Variants in PDE1C observed in about 807,000 individuals in gnomAD.
PDE1C encodes dual specificity calcium/calmodulin-dependent 3',5'-cyclic nucleotide phosphodiesterase 1C.
PDE1C carries 62 observed loss-of-function variants against 93.1 expected under a neutral mutation model. That is an observed-to-expected ratio of 0.67 (90% CI 0.54 to 0.82). The LOEUF (loss-of-function observed/expected upper bound fraction) is 0.82, where lower values mean the gene tolerates loss of function less well. Among genes scored for constraint, PDE1C ranks in the 40% least tolerant of loss-of-function variants. PDE1C has a pLI of 0.00. For missense variants in PDE1C, 742 were observed against 884.6 expected (o/e 0.84, Z 2.04); for synonymous variants, 325 against 310.1 (o/e 1.05, Z -0.50).
the PDE1C span, among the ~76,000 whole-genome samples, chr7:31,617,929 TTTGTAGTAAAGAAAA>T: frequency 6.6e-6 from 1 of 152,204 alleles, no homozygotes; most frequent in African/African-American, 2.4e-5. Context: ...CCCTTTTCTA[TTTGTAGTAAAGAAAA>T]TGGTAGGAAA....
intron 3 of PDE1C, among the ~76,000 whole-genome samples, chr7:32,140,813 G>C (rs1377411106): frequency 1.3e-5 from 2 of 152,238 alleles, no homozygotes; most frequent in Non-Finnish European, 2.9e-5. Flanking sequence ...GAGGATGTGG[G>C]ATGTATAATA....
At chr7:32,025,436 T>C (rs2080683116) in intron 2 of PDE1C, among the ~76,000 whole-genome samples, 1 of 152,008 alleles carries the variant, frequency 6.6e-6, no homozygotes, top group South Asian at 2.1e-4. Context: ...GGAGCATGTA[T>C]GTATTTGGGG....
At chr7:32,275,060 G>A (rs1811194629) in intron 1 of PDE1C, among the ~76,000 whole-genome samples, 1 of 152,140 alleles carries the variant, frequency 6.6e-6, no homozygotes, top group Admixed American at 6.5e-5. Flanking sequence ...AAAGAATTTA[G>A]GTCCTGATTG....
chr7:31,731,405 G>A, the PDE1C span, among the ~76,000 whole-genome samples: 4 of 150,818 alleles, frequency 2.7e-5, no homozygotes, highest in African/African-American at 9.7e-5. Flanking sequence ...CTTTTTTTGA[G>A]AGAGAGAGAG....
chr7:32,117,274 T>G (rs1799035303), intron 3 of PDE1C, among the ~76,000 whole-genome samples: 1 of 152,206 alleles, frequency 6.6e-6, no homozygotes, highest in South Asian at 2.1e-4. Context: ...GACAAAAAAC[T>G]ATGGCCACGC....
chr7:31,685,862 A>G, the PDE1C span, among the ~76,000 whole-genome samples: 2 of 152,150 alleles, frequency 1.3e-5, no homozygotes, highest in Non-Finnish European at 2.9e-5. Flanking sequence ...AGGAGGTCCC[A>G]ATAAGGATCA....
At chr7:32,189,561 A>G (rs1408690514) in intron 2 of PDE1C, among the ~76,000 whole-genome samples, 1 of 152,162 alleles carries the variant, frequency 6.6e-6, no homozygotes, top group African/African-American at 2.4e-5. Flanking sequence ...GGGAAGTTCC[A>G]GGGCTGATTT....
At chr7:32,127,592 T>C (rs1799658290) in intron 3 of PDE1C, among the ~76,000 whole-genome samples, 1 of 152,016 alleles carries the variant, frequency 6.6e-6, no homozygotes, top group African/African-American at 2.4e-5. Flanking sequence ...AGTAACAAAT[T>C]ATATTATTTT....
At chr7:31,759,467 GTTGA>G (rs1229265655) in intron 17 of PDE1C, among the ~76,000 whole-genome samples, 1 of 152,168 alleles carries the variant, frequency 6.6e-6, no homozygotes, top group Non-Finnish European at 1.5e-5. Flanking sequence ...CAAATAAATG[GTTGA>G]TTATCAGCAA....
At chr7:31,703,537 C>T in the PDE1C span, among the ~76,000 whole-genome samples, 1 of 152,202 alleles carries the variant, frequency 6.6e-6, no homozygotes, top group Non-Finnish European at 1.5e-5. Context: ...AGTGCAATTA[C>T]AGATATTGTG....
the PDE1C span, among the ~76,000 whole-genome samples, chr7:31,694,970 G>T: frequency 3.9e-5 from 6 of 152,150 alleles, no homozygotes; most frequent in African/African-American, 1.4e-4. Flanking sequence ...CCCAAGGTCT[G>T]GATCACCAGG....
intron 2 of PDE1C, among the ~76,000 whole-genome samples, chr7:32,027,603 A>G (rs1789623187): frequency 7.0e-6 from 1 of 143,058 alleles, no homozygotes; most frequent in South Asian, 2.2e-4. Context: ...ACTATCAAAA[A>G]TGGTAAAAAA....
chr7:31,845,571 T>A (rs529889322), intron 9 of PDE1C, among the ~76,000 whole-genome samples: 1 of 152,184 alleles, frequency 6.6e-6, no homozygotes, highest in East Asian at 1.9e-4. Flanking sequence ...GAGAAATACC[T>A]AATGTAGACG....
At chr7:32,237,981 G>A (rs1035776294) in intron 1 of PDE1C, among the ~76,000 whole-genome samples, 1 of 151,690 alleles carries the variant, frequency 6.6e-6, no homozygotes, top group African/African-American at 2.4e-5. Context: ...TGTTGGTCAG[G>A]CTGGTCTTGA....
intron 2 of PDE1C, among the ~76,000 whole-genome samples, chr7:31,966,075 A>T (rs913529360): frequency 6.6e-6 from 1 of 152,206 alleles, no homozygotes; most frequent in African/African-American, 2.4e-5. Context: ...ACCAGCTAAC[A>T]TCATAATGAC....
rs767668698 is a variant in PDE1C at position 31,837,924 on chromosome 7, G to C, written c.1028C>G (p.Ser343Cys). The change falls in exon 10 of 18, where the codon TCT becomes TGT. Residue 343 changes from serine (S) to cysteine (C), a missense_variant. Around this residue, in one of 4 missense-constraint regions of PDE1C, gnomAD observed 454 missense variants for 459.4 expected, o/e 0.99. Transcript: ENST00000396191. The stretch of plus-strand genomic sequence containing the variant: ...TGCTTTGATTTGTTGGAAGTGACAA[G>C]ACATATCTGTGGCCATCACCATTTC... ...VIEMVMATDM[S>C]CHFQQIKAMK... 2.5e-6 allele frequency: 4 copies of C among 1,613,700 alleles called. No individual in the cohort carries two copies. Among genetic ancestry groups the C allele is most frequent in the Non-Finnish European group, 3.4e-6 (4 of 1,179,642 alleles).
intron 7 of PDE1C, among the ~76,000 whole-genome samples, chr7:31,860,263 G>T (rs1193628457): frequency 2.6e-5 from 4 of 152,128 alleles, no homozygotes; most frequent in African/African-American, 9.7e-5. Flanking sequence ...TAACTGGAGT[G>T]GGGAGTAGTG....
the PDE1C span, among the ~76,000 whole-genome samples, chr7:31,691,824 C>CAAAAAAAAAAAA: frequency 4.5e-5 from 4 of 89,584 alleles, no homozygotes; most frequent in African/African-American, 1.4e-4. Context: ...AAAAAAAAAC[C>CAAAAAAAAAAAA]AAGCAAAAAA....
intron 2 of PDE1C, among the ~76,000 whole-genome samples, chr7:31,952,957 C>G (rs1807609140): frequency 6.6e-6 from 1 of 152,000 alleles, no homozygotes; most frequent in Non-Finnish European, 1.5e-5. Context: ...ATGCATCCAT[C>G]TAGAAACATG....
Sources: gnomAD v4.1 joint callset for allele counts (sites outside exome capture counted in the v4.1 genomes callset) on GRCh38, gnomAD v4.1.1 for gene constraint, gnomAD v4.1.1 regional missense constraint, MANE v1.5 for transcripts, NCBI Gene and HGNC (gene_info 2026-07-23, HGNC 2026-07-21) for gene names.